Variants in ZBTB40 observed in about 807,000 individuals in gnomAD.
ZBTB40 encodes zinc finger and BTB domain-containing protein 40.
Under a neutral mutation model 117.5 loss-of-function variants are expected in ZBTB40, and 60 were observed. The ratio of observed to expected loss-of-function variants is 0.51; its 90% confidence interval spans 0.41 to 0.63. ZBTB40 has a LOEUF of 0.63. Ranked by LOEUF, ZBTB40 falls within the 30% of genes least tolerant of loss-of-function variation. The probability of loss-of-function intolerance (pLI) is 0.00; values close to 1 mark genes in which losing one functional copy is unlikely to be tolerated. For missense variants in ZBTB40, 1,287 were observed against 1,498.5 expected, an observed-to-expected ratio of 0.86 and a Z score of 2.33; for synonymous variants, 525 against 577.1, an observed-to-expected ratio of 0.91 and a Z score of 1.29.
chr1:22,488,637 GC>G (rs1638539693), intron 1 of ZBTB40, among the ~76,000 whole-genome samples: 1 of 152,194 alleles, frequency 6.6e-6, no homozygotes, highest in Admixed American at 6.5e-5. Flanking sequence ...GAGGTTAGGA[GC>G]CGATGACAGC....
In ZBTB40 at chr1:22,511,447, A is replaced by T. The variant is rs181212749; in HGVS notation, c.2002+100A>T. Reference sequence around the variant, plus strand: ...TCATATCATAGTTTATCACAACCTTAAGTTACGTATTCATTTTATATGCTC... The same window carrying T: ...TCATATCATAGTTTATCACAACCTTTAGTTACGTATTCATTTTATATGCTC... On this transcript the variant is annotated intron_variant, in intron 10 of 17. Transcript: ENST00000375647. The T allele has an allele frequency of 3.2e-5, 48 of 1,506,186 alleles. No homozygotes were observed. In the Admixed American group the frequency reaches 5.3e-4, roughly 17 times the overall value. The allele number at this position is 1,506,186 out of a possible 1,614,324, so 93.3% of individuals were successfully genotyped here.
At chr1:22,525,653 C>A (rs751820866) in intron 17 of ZBTB40, among the ~76,000 whole-genome samples, 1 of 152,208 alleles carries the variant, frequency 6.6e-6, no homozygotes, top group Non-Finnish European at 1.5e-5. Context: ...GGGCACTGGC[C>A]CCGCCAGGCT....
intron 1 of ZBTB40, among the ~76,000 whole-genome samples, chr1:22,468,468 T>A (rs1312664329): frequency 1.9e-5 from 2 of 107,884 alleles, no homozygotes; most frequent in South Asian, 3.4e-4. Flanking sequence ...ATGTTTCCTT[T>A]TTTTTTTTTT....
chr1:22,511,292 T>C lies in ZBTB40; in HGVS notation c.1947T>C (p.Ser649=), dbSNP rs1051012806. 2 of 1,613,960 alleles carry C rather than the reference T, an allele frequency of 1.2e-6. No individual in the cohort carries two copies. The highest frequency in any genetic ancestry group is 1.7e-6 in the Non-Finnish European group (2 of 1,180,040). ...TTGAAATATGCCACCTCCTGTGCAG[T>C]GTCCACAAATCTTTTCCAGGCCTGC... ...PAIEICHLLC[S]VHKSFPGLQP... The change falls in exon 10 of 18, where the codon AGT becomes AGC. Residue 649 remains serine (S), a synonymous_variant. Coordinates refer to ENST00000375647, the MANE Select transcript of ZBTB40 (RefSeq NM_014870.4).
At chr1:22,518,285 A>G (rs1639428629) in intron 13 of ZBTB40, among the ~76,000 whole-genome samples, 1 of 152,196 alleles carries the variant, frequency 6.6e-6, no homozygotes, top group Non-Finnish European at 1.5e-5. Flanking sequence ...GAGGCCTTAA[A>G]CAAATTTATT....
At chr1:22,496,325 G>A (rs1312201171) in intron 3 of ZBTB40, among the ~76,000 whole-genome samples, 1 of 152,174 alleles carries the variant, frequency 6.6e-6, no homozygotes, top group Non-Finnish European at 1.5e-5. Flanking sequence ...CTGCAGACCA[G>A]GTAGTGCTCA....
At chr1:22,469,610 G>A (rs1641351570) in intron 1 of ZBTB40, among the ~76,000 whole-genome samples, 1 of 151,994 alleles carries the variant, frequency 6.6e-6, no homozygotes, top group Non-Finnish European at 1.5e-5. Flanking sequence ...AGGCTGGAGT[G>A]CAGTGGTGCG....
At chr1:22,487,176 G>A (rs1294925050) in intron 1 of ZBTB40, among the ~76,000 whole-genome samples, 1 of 152,150 alleles carries the variant, frequency 6.6e-6, no homozygotes, top group East Asian at 1.9e-4. Flanking sequence ...CAGTCTGTTT[G>A]CTTTTAGGAC....
At position 22,511,817 on chromosome 1, in the gene ZBTB40, G is replaced by A; in HGVS notation, c.2144G>A (p.Gly715Asp). 6.2e-7 allele frequency: 1 copy of A among 1,614,134 alleles called. No homozygotes were observed. Residue 715 changes from glycine to aspartate, a missense_variant, in exon 11 of 18, where the codon GGT becomes GAT. By Grantham distance (94) the Gly-to-Asp change is moderately conservative. Coordinates refer to ENST00000375647, the MANE Select transcript of ZBTB40 (RefSeq NM_014870.4). Reference sequence around the variant, plus strand: ...GAACAGAATGATCAAGGAGAGACTGGTTCCTTGCCAGGACAGCAAGAGAAA... The same window carrying A: ...GAACAGAATGATCAAGGAGAGACTGATTCCTTGCCAGGACAGCAAGAGAAA... Reference protein sequence around the residue: ...PGEQNDQGETGSLPGQQEKEA... With the variant: ...PGEQNDQGETDSLPGQQEKEA...
At chr1:22,508,508 G>A (rs569409144) in intron 7 of ZBTB40, 22 bp from the exon 8 acceptor site, 1 of 1,614,014 alleles carries the variant, frequency 6.2e-7, no homozygotes, top group African/African-American at 1.3e-5. Flanking sequence ...TCTTACGTGA[G>A]TGTTTGTGTT....
chr1:22,510,437 T>G (rs1639201132), intron 9 of ZBTB40, among the ~76,000 whole-genome samples: 1 of 152,202 alleles, frequency 6.6e-6, no homozygotes, highest in African/African-American at 2.4e-5. Context: ...CTAATTAGTC[T>G]CATGCCTGCC....
intron 17 of ZBTB40, 47 bp from the exon 18 acceptor site, chr1:22,526,155 C>T (rs910882019): frequency 6.2e-7 from 1 of 1,602,850 alleles, no homozygotes; most frequent in African/African-American, 1.3e-5. Flanking sequence ...ATCAGGGAGC[C>T]AACTGTGAAC....
chr1:22,525,807 A>G (rs539664344), intron 17 of ZBTB40, among the ~76,000 whole-genome samples: 13 of 152,294 alleles, frequency 8.5e-5, no homozygotes, highest in South Asian at 4.1e-4. Flanking sequence ...TGGTGGATCA[A>G]TCCCATTCCC....
chr1:22,470,787 G>A (rs554268248), intron 1 of ZBTB40, among the ~76,000 whole-genome samples: 19 of 152,330 alleles, frequency 1.2e-4, no homozygotes, highest in Non-Finnish European at 1.6e-4. Context: ...TGCCCGTGCC[G>A]TGTAGTTGGC....
chr1:22,464,252 G>A (rs368563675), intron 1 of ZBTB40, among the ~76,000 whole-genome samples: 22 of 152,300 alleles, frequency 1.4e-4, no homozygotes, highest in South Asian at 4.1e-4. Flanking sequence ...TTCAAGATTC[G>A]CACCCGGGTA....
In ZBTB40 at chr1:22,489,997, CTG is replaced by C; in HGVS notation, c.52_53del (p.Cys18GlnfsTer7). 6.2e-7 allele frequency: 1 copy of C among 1,613,798 alleles called. No homozygotes were observed. Among genetic ancestry groups the C allele is most frequent in the Non-Finnish European group, 8.5e-7 (1 of 1,180,022 alleles). On this transcript the variant is annotated frameshift_variant, in exon 2 of 18. Coordinates refer to ENST00000375647, the MANE Select transcript of ZBTB40 (RefSeq NM_014870.4). LOFTEE classifies it high-confidence loss of function. ...SRQLLQQLYT[L>X]CKEQQFCDCT... ...GCAGCTGCTGCAGCAGCTGTACACT[CTG>C]TGCAAGGAGCAGCAGTTCTGTGATT...
At position 22,511,270 on chromosome 1, in the gene ZBTB40, A is replaced by G. The variant is rs202116268; in HGVS notation, c.1925A>G (p.Glu642Gly). 377 of 1,614,052 alleles carry G rather than the reference A, an allele frequency of 2.3e-4. No homozygotes were observed. The highest frequency in any genetic ancestry group is 1.8e-3 in the Middle Eastern group (11 of 6,062). The change falls in exon 10 of 18, where the codon GAA (glutamate) becomes GGA (glycine). Residue 642 changes from glutamate (E) to glycine (G), a missense_variant. Glu to Gly is a moderately conservative substitution (Grantham distance 98). Coordinates refer to ENST00000375647, the MANE Select transcript of ZBTB40 (RefSeq NM_014870.4). ...ATGGAAAAATCAGTCCCGGCCATTG[A>G]AATATGCCACCTCCTGTGCAGTGTC... ...RAMEKSVPAI[E>G]ICHLLCSVHK...
intron 14 of ZBTB40, 41 bp downstream of exon 14, chr1:22,520,316 G>T: frequency 1.3e-6 from 2 of 1,534,786 alleles, no homozygotes; most frequent in South Asian, 1.1e-5. Context: ...CCTCACCCCT[G>T]ACCTACTCTC....
intron 1 of ZBTB40, among the ~76,000 whole-genome samples, chr1:22,433,449 A>AAAAAAAAAAAAAAAAAAAAAAAAAAT (rs1557469820): frequency 7.1e-6 from 1 of 141,546 alleles, no homozygotes; most frequent in Non-Finnish European, 1.6e-5. Context: ...AAAAAAAAAA[A>AAAAAAAAAAAAAAAAAAAAAAAAAAT]AAAAAAAAGA....
Sources: gnomAD v4.1 joint callset for allele counts (sites outside exome capture counted in the v4.1 genomes callset) on GRCh38, gnomAD v4.1.1 for gene constraint, MANE v1.5 for transcripts, NCBI Gene and HGNC (gene_info 2026-07-23, HGNC 2026-07-21) for gene names.